CTNNA2: variants seen among roughly 807,000 people sequenced by gnomAD.
CTNNA2 encodes the protein catenin alpha-2.
A neutral mutation model predicts 101.0 loss-of-function variants in CTNNA2; 42 were observed. The observed-to-expected ratio is 0.42, with a 90% confidence interval of 0.32 to 0.54. CTNNA2 has a LOEUF of 0.54. CTNNA2 is among the 20% of genes least tolerant of loss of function. The pLI, the probability that CTNNA2 is intolerant of heterozygous loss-of-function variation, is 0.14. For synonymous variants in CTNNA2, 450 were observed against 456.4 expected (o/e 0.99, Z 0.18); for missense variants, 871 against 1,223.1 (o/e 0.71, Z 4.29).
At chr2:79,677,764 A>C (rs1268279492) in intron 2 of CTNNA2, among the ~76,000 whole-genome samples, 1 of 152,210 alleles carries the variant, frequency 6.6e-6, no homozygotes, top group East Asian at 1.9e-4. Context: ...AGCCACTGAA[A>C]GGAAATGTTA....
chr2:80,066,204 C>A (rs560901066), intron 7 of CTNNA2, among the ~76,000 whole-genome samples: 52 of 152,150 alleles, frequency 3.4e-4, no homozygotes, highest in Non-Finnish European at 6.8e-4. Flanking sequence ...TGTGATGTAA[C>A]CTCATTTGTC....
intron 7 of CTNNA2, among the ~76,000 whole-genome samples, chr2:80,344,982 C>T (rs985920750): frequency 3.9e-5 from 6 of 152,142 alleles, no homozygotes; most frequent in African/African-American, 9.7e-5. Context: ...TCACCACTTC[C>T]GATCACTACC....
intron 12 of CTNNA2, among the ~76,000 whole-genome samples, chr2:80,565,228 T>A (rs1320160488): frequency 1.3e-5 from 2 of 152,154 alleles, no homozygotes; most frequent in Non-Finnish European, 2.9e-5. Context: ...CTTTCTTTCC[T>A]CATGGATCTG....
chr2:80,555,599 C>T, intron 11 of CTNNA2, 94 bp from the exon 12 acceptor site: 2 of 659,718 alleles, frequency 3.0e-6, no homozygotes, highest in Non-Finnish European at 4.9e-6. Context: ...TGAGATGTGT[C>T]CAAGGCAAGG....
chr2:80,438,927 C>T (rs1026894460), intron 9 of CTNNA2, among the ~76,000 whole-genome samples: 2 of 152,184 alleles, frequency 1.3e-5, no homozygotes, highest in African/African-American at 4.8e-5. Flanking sequence ...TATGCTCTGT[C>T]TGAGAAATTT....
intron 4 of CTNNA2, among the ~76,000 whole-genome samples, chr2:79,406,860 C>T (rs1678347052): frequency 6.6e-6 from 1 of 151,958 alleles, no homozygotes; most frequent in African/African-American, 2.4e-5. Context: ...CTCACTCACA[C>T]TGCAGTAAAT....
At chr2:79,977,133 G>T (rs1397452499) in intron 7 of CTNNA2, among the ~76,000 whole-genome samples, 1 of 151,722 alleles carries the variant, frequency 6.6e-6, no homozygotes, top group African/African-American at 2.4e-5. Context: ...AAATAATTGG[G>T]GGTAATTTAT....
intron 4 of CTNNA2, among the ~76,000 whole-genome samples, chr2:79,865,451 G>GT (rs1174678153): frequency 6.6e-6 from 1 of 152,156 alleles, no homozygotes; most frequent in African/African-American, 2.4e-5. Flanking sequence ...AGTTTTGTCA[G>GT]TGTCACTTAA....
At position 80,203,151 on chromosome 2, in the gene CTNNA2, A is replaced by G. The variant is rs145498709; in HGVS notation, c.1057-190060A>G. The stretch of plus-strand genomic sequence containing the variant: ...AACACATGGGAATTATGGGAACTAC[A>G]AGATGAGATTTGGGTGGGGACACAG... On this transcript the variant is annotated intron_variant, in intron 7 of 18. Coordinates refer to ENST00000402739, the MANE Select transcript of CTNNA2 (RefSeq NM_001282597.3). Among the ~76,000 whole-genome samples, 1,058 of 152,302 alleles carry G rather than the reference A, an allele frequency of 6.9e-3. 15 individuals are homozygous for G. The highest frequency in any genetic ancestry group is 0.024 in the African/African-American group (984 of 41,576).
At chr2:80,455,100 TACTG>T (rs1314301401) in intron 9 of CTNNA2, among the ~76,000 whole-genome samples, 1 of 152,240 alleles carries the variant, frequency 6.6e-6, no homozygotes, top group Admixed American at 6.5e-5. Context: ...TGTTTCAGCT[TACTG>T]ACTGTCAGGG....
chr2:80,290,617 C>T (rs1675153862), intron 7 of CTNNA2, among the ~76,000 whole-genome samples: 1 of 151,914 alleles, frequency 6.6e-6, no homozygotes, highest in African/African-American at 2.4e-5. Context: ...CCTAATTACT[C>T]CCCCTCCCTG....
At chr2:79,414,558 G>A (rs1164211606) in intron 4 of CTNNA2, among the ~76,000 whole-genome samples, 2 of 152,020 alleles carry the variant, frequency 1.3e-5, no homozygotes, top group South Asian at 2.1e-4. Flanking sequence ...GTCTAAAAAT[G>A]TTCTCGGATT....
chr2:80,213,823 C>G (rs183883765), intron 7 of CTNNA2, among the ~76,000 whole-genome samples: 1 of 152,148 alleles, frequency 6.6e-6, no homozygotes, highest in Non-Finnish European at 1.5e-5. Context: ...GTGTTAAAGT[C>G]TCCCATTATT....
At chr2:79,205,937 G>C (rs981976173) in intron 2 of CTNNA2, among the ~76,000 whole-genome samples, 4 of 152,060 alleles carry the variant, frequency 2.6e-5, no homozygotes, top group South Asian at 2.1e-4. Context: ...TGAATGCTCG[G>C]CCCTTTCTTG....
intron 4 of CTNNA2, among the ~76,000 whole-genome samples, chr2:79,487,400 T>C (rs1240290623): frequency 6.6e-6 from 1 of 152,248 alleles, no homozygotes; most frequent in Non-Finnish European, 1.5e-5. Flanking sequence ...CTTGAATCAG[T>C]GGCCTAAGTG....
chr2:80,248,467 G>T (rs1389157140), intron 7 of CTNNA2, among the ~76,000 whole-genome samples: 1 of 152,136 alleles, frequency 6.6e-6, no homozygotes, highest in Non-Finnish European at 1.5e-5. Flanking sequence ...CTAACTAAGG[G>T]TTTGCAGGGT....
intron 4 of CTNNA2, among the ~76,000 whole-genome samples, chr2:79,466,055 G>A (rs1483584604): frequency 6.6e-6 from 1 of 152,206 alleles, no homozygotes; most frequent in African/African-American, 2.4e-5. Flanking sequence ...AGTGGGTGCA[G>A]CCCACTGAGC....
intron 7 of CTNNA2, among the ~76,000 whole-genome samples, chr2:80,259,373 G>A (rs1417202618): frequency 6.6e-6 from 1 of 152,132 alleles, no homozygotes; most frequent in East Asian, 1.9e-4. Flanking sequence ...CATCTGCAAG[G>A]CCAAACCTCC....
chr2:79,523,827 A>T (rs779469595), intron 1 of CTNNA2, among the ~76,000 whole-genome samples: 6 of 152,000 alleles, frequency 3.9e-5, no homozygotes, highest in Non-Finnish European at 7.4e-5. Flanking sequence ...TGTTTCCCAG[A>T]TTTCTAGAGG....
Sources: gnomAD v4.1 joint callset for allele counts (sites outside exome capture counted in the v4.1 genomes callset) on GRCh38, gnomAD v4.1.1 for gene constraint, MANE v1.5 for transcripts, NCBI Gene and HGNC (gene_info 2026-07-23, HGNC 2026-07-21) for gene names.